The following IQSEC1 variants were observed in gnomAD, a reference collection of about 807,000 sequenced individuals.
The protein encoded by IQSEC1 is IQ motif and SEC7 domain-containing protein 1.
A neutral mutation model predicts 91.0 loss-of-function variants in IQSEC1; 31 were observed. The ratio of observed to expected loss-of-function variants is 0.34; its 90% confidence interval spans 0.26 to 0.46. IQSEC1 has a LOEUF of 0.46. IQSEC1 is among the 20% of genes least tolerant of loss of function. IQSEC1 has a pLI of 1.00. For missense variants in IQSEC1, 1,388 were observed against 1,575.6 expected, an observed-to-expected ratio of 0.88 and a Z score of 2.02; for synonymous variants, 699 against 662.6, an observed-to-expected ratio of 1.05 and a Z score of -0.84.
At chr3:13,206,446 T>C (rs542056017) in intron 1 of IQSEC1, among the ~76,000 whole-genome samples, 1 of 152,298 alleles carries the variant, frequency 6.6e-6, no homozygotes, top group South Asian at 2.1e-4. Context: ...CACCACGATA[T>C]GCCCATCAGA....
chr3:13,210,309 C>T (rs768982081), intron 1 of IQSEC1, among the ~76,000 whole-genome samples: 5 of 152,116 alleles, frequency 3.3e-5, no homozygotes, highest in Non-Finnish European at 7.4e-5. Context: ...CCCTTATCCT[C>T]GGGTGCCCTC....
At position 13,214,329 on chromosome 3, in the gene IQSEC1, C is replaced by T. The variant is rs1559278819; in HGVS notation, c.273-50196G>A. On this transcript the variant is annotated intron_variant, in intron 1 of 15. Transcript: ENST00000648114. The surrounding 1 kb of genome is among the most constrained non-coding windows in gnomAD (Gnocchi z 4.5). The stretch of plus-strand genomic sequence containing the variant: ...ACCCGGAACACCACATCTGCTGCTC[C>T]CAACACCCTTGTCCAGGAGCTGCCC... Among the ~76,000 whole-genome samples the T allele has an allele frequency of 1.3e-5, 2 of 152,228 alleles. No homozygotes were observed. The highest frequency in any genetic ancestry group is 2.9e-5 in the Non-Finnish European group (2 of 68,044).
rs537795277 is a variant in IQSEC1 at position 13,260,110 on chromosome 3, G to T, written c.272+22601C>A. Among the ~76,000 whole-genome samples, 11 of 152,332 alleles carry T rather than the reference G, an allele frequency of 7.2e-5. No homozygotes were observed. In the South Asian group the frequency reaches 2.1e-3, roughly 29 times the overall value. Reference sequence around the variant, plus strand: ...AGTGCCTTGCAGGGCTGGAGGAAGAGGGGGAAGGAGGATGAGAAAAGAGAG... The same window carrying T: ...AGTGCCTTGCAGGGCTGGAGGAAGATGGGGAAGGAGGATGAGAAAAGAGAG... On this transcript the variant is annotated intron_variant, in intron 1 of 15. Coordinates refer to the IQSEC1 transcript ENST00000648114.
At chr3:13,147,538 A>C (rs1706918359) in intron 2 of IQSEC1, among the ~76,000 whole-genome samples, 1 of 152,196 alleles carries the variant, frequency 6.6e-6, no homozygotes, top group East Asian at 1.9e-4. Context: ...TGGTGTAGAC[A>C]TACCACATTC....
chr3:12,957,600 G>T (rs1235091447), intron 1 of IQSEC1, among the ~76,000 whole-genome samples: 1 of 152,206 alleles, frequency 6.6e-6, no homozygotes, highest in Admixed American at 6.5e-5. Flanking sequence ...TGGAGGCACA[G>T]GCTGGGGAGG....
chr3:13,218,069 C>T (rs1426610460), intron 1 of IQSEC1, among the ~76,000 whole-genome samples: 1 of 152,190 alleles, frequency 6.6e-6, no homozygotes, highest in Non-Finnish European at 1.5e-5. Context: ...CTTCCGAGGC[C>T]CCCTGGCAGC....
chr3:13,217,868 C>T (rs1200411885), intron 1 of IQSEC1, among the ~76,000 whole-genome samples: 1 of 152,132 alleles, frequency 6.6e-6, no homozygotes, highest in Non-Finnish European at 1.5e-5. Context: ...TGCTGTTTCA[C>T]CCCAAGCTGA....
At chr3:13,108,361 G>T (rs1002980579) in intron 2 of IQSEC1, among the ~76,000 whole-genome samples, 5 of 152,022 alleles carry the variant, frequency 3.3e-5, no homozygotes, top group Non-Finnish European at 4.4e-5. Context: ...TTTATCTAGT[G>T]GATTTCCTTC....
intron 1 of IQSEC1, among the ~76,000 whole-genome samples, chr3:13,177,273 T>C (rs1253830195): frequency 6.6e-6 from 1 of 152,192 alleles, no homozygotes; most frequent in African/African-American, 2.4e-5. Flanking sequence ...GGAGCTCTAA[T>C]AGGAGGCCCT....
intron 1 of IQSEC1, among the ~76,000 whole-genome samples, chr3:13,048,661 T>C (rs979086636): frequency 1.3e-5 from 2 of 152,206 alleles, no homozygotes; most frequent in Non-Finnish European, 2.9e-5. Flanking sequence ...GACACACCCC[T>C]GGAAGGAGGC....
intron 1 of IQSEC1, among the ~76,000 whole-genome samples, chr3:12,993,302 T>G (rs1175866301): frequency 6.6e-6 from 1 of 152,046 alleles, no homozygotes; most frequent in East Asian, 1.9e-4. Flanking sequence ...CAGGGCCAGG[T>G]TGGACCCAGC....
At chr3:13,119,450 C>A (rs1275915577) in intron 2 of IQSEC1, among the ~76,000 whole-genome samples, 1 of 152,240 alleles carries the variant, frequency 6.6e-6, no homozygotes, top group Non-Finnish European at 1.5e-5. Context: ...CTGGATGGTA[C>A]TGAGCTGAGA....
intron 2 of IQSEC1, among the ~76,000 whole-genome samples, chr3:13,140,216 A>G (rs538052644): frequency 3.9e-5 from 6 of 152,188 alleles, no homozygotes; most frequent in African/African-American, 1.4e-4. Context: ...CTCAACACAC[A>G]GTGGGTTCAG....
intron 1 of IQSEC1, among the ~76,000 whole-genome samples, chr3:12,957,246 T>C (rs1413749570): frequency 6.6e-6 from 1 of 152,244 alleles, no homozygotes; most frequent in Non-Finnish European, 1.5e-5. Flanking sequence ...TGACCTCATC[T>C]GCATGGCCTC....
At chr3:13,044,995 G>A (rs985810785) in intron 1 of IQSEC1, among the ~76,000 whole-genome samples, 6 of 152,248 alleles carry the variant, frequency 3.9e-5, no homozygotes, top group African/African-American at 1.2e-4. Context: ...TGTGAAAGGG[G>A]AACATTGATC....
chr3:12,945,383 C>G (rs922382820), intron 1 of IQSEC1, among the ~76,000 whole-genome samples: 1 of 152,088 alleles, frequency 6.6e-6, no homozygotes, highest in Non-Finnish European at 1.5e-5. Flanking sequence ...CACCCACAGT[C>G]TTCCCTTCCA....
chr3:13,090,032 G>A (rs927316577), intron 2 of IQSEC1, among the ~76,000 whole-genome samples: 3 of 152,044 alleles, frequency 2.0e-5, no homozygotes, highest in African/African-American at 4.8e-5. Flanking sequence ...TGGCTAACAC[G>A]GTGAAACCCC....
At chr3:13,091,523 T>TCCTGGCCTC (rs1394478614) in intron 2 of IQSEC1, among the ~76,000 whole-genome samples, 2 of 152,034 alleles carry the variant, frequency 1.3e-5, no homozygotes, top group Non-Finnish European at 2.9e-5. Context: ...TCCCCTGGCC[T>TCCTGGCCTC]CCTGGCCTCC....
At chr3:13,248,214 C>T (rs1576309699) in intron 1 of IQSEC1, among the ~76,000 whole-genome samples, 1 of 152,338 alleles carries the variant, frequency 6.6e-6, no homozygotes, top group East Asian at 1.9e-4. Flanking sequence ...CCCAAGGCCA[C>T]TGGAAATCCA....
Sources: gnomAD v4.1 joint callset for allele counts (sites outside exome capture counted in the v4.1 genomes callset) on GRCh38, gnomAD v4.1.1 for gene constraint, Gnocchi (gnomAD v3.1) non-coding constraint, MANE v1.5 for transcripts, NCBI Gene and HGNC (gene_info 2026-07-23, HGNC 2026-07-21) for gene names.